Variants in ANXA8 observed in about 807,000 individuals in gnomAD.
The protein encoded by ANXA8 is VAC-beta.
In ANXA8, 9 loss-of-function variants were observed where a neutral mutation model predicts 26.8. The observed-to-expected ratio is 0.34, with a 90% CI of 0.20 to 0.59. The LOEUF (loss-of-function observed/expected upper bound fraction) is 0.59. Ranked by LOEUF, ANXA8 falls within the 20% of genes least tolerant of loss-of-function variation. ANXA8 has a pLI of 0.84. For synonymous variants in ANXA8, 39 were observed against 94.8 expected (o/e 0.41, Z 3.42); for missense variants, 83 against 238.5 (o/e 0.35, Z 4.29).
At chr10:47,702,526 A>T in the ANXA8 span, among the ~76,000 whole-genome samples, 1 of 151,044 alleles carries the variant, frequency 6.6e-6, no homozygotes, top group Non-Finnish European at 1.5e-5. Context: ...TTTTTAGTAG[A>T]GATGGGGTTT....
At chr10:47,971,071 T>C in the ANXA8 span, among the ~76,000 whole-genome samples, 1 of 151,406 alleles carries the variant, frequency 6.6e-6, no homozygotes, top group Non-Finnish European at 1.5e-5. Flanking sequence ...TCTCTGATTC[T>C]CAAATGCTCG....
the ANXA8 span, among the ~76,000 whole-genome samples, chr10:47,763,845 CTCGT>C: frequency 6.6e-6 from 1 of 150,968 alleles, no homozygotes; most frequent in Non-Finnish European, 1.5e-5. Context: ...GATGGACCTT[CTCGT>C]TTTACAGCCT....
chr10:47,739,825 G>A, the ANXA8 span, among the ~76,000 whole-genome samples: 1 of 149,476 alleles, frequency 6.7e-6, no homozygotes, highest in Admixed American at 6.8e-5. Context: ...CGGTGTGGTG[G>A]CTCACTCCCG....
chr10:47,607,997 G>T, the ANXA8 span, among the ~76,000 whole-genome samples: 1 of 146,510 alleles, frequency 6.8e-6, no homozygotes, highest in Non-Finnish European at 1.5e-5. Context: ...TATTAAATTA[G>T]GAAAGGTCAA....
the ANXA8 span, among the ~76,000 whole-genome samples, chr10:47,777,979 G>A: frequency 2.0e-4 from 31 of 151,540 alleles, no homozygotes; most frequent in African/African-American, 6.8e-4. Flanking sequence ...GGTAGGGGTC[G>A]GTTGATTTAA....
chr10:47,620,608 G>A, the ANXA8 span, among the ~76,000 whole-genome samples: 1 of 103,226 alleles, frequency 9.7e-6, no homozygotes, highest in Non-Finnish European at 2.1e-5. Flanking sequence ...TGAAGTTCTG[G>A]ACGCTTAAAA....
At chr10:47,672,450 T>C in the ANXA8 span, among the ~76,000 whole-genome samples, 1 of 151,752 alleles carries the variant, frequency 6.6e-6, no homozygotes, top group South Asian at 2.1e-4. Flanking sequence ...TTTTATAATA[T>C]GCAACAATAA....
chr10:47,685,511 A>G, the ANXA8 span, among the ~76,000 whole-genome samples: 1 of 151,900 alleles, frequency 6.6e-6, no homozygotes, highest in Admixed American at 6.6e-5. Flanking sequence ...CTAGAAGGCA[A>G]GTAGGGCTTT....
At chr10:47,502,363 T>C in the ANXA8 span, 1 of 1,608,656 alleles carries the variant, frequency 6.2e-7, no homozygotes, top group South Asian at 1.1e-5. Flanking sequence ...CAGCAGCTGC[T>C]GGCCCAGGGA....
chr10:47,733,217 C>CTTTCTTTCTTTCTT, the ANXA8 span, among the ~76,000 whole-genome samples: 1 of 71,360 alleles, frequency 1.4e-5, no homozygotes, highest in Non-Finnish European at 3.1e-5. Context: ...TTCTTTCTTT[C>CTTTCTTTCTTTCTT]TTTCTCTTTC....
chr10:47,549,511 A>C, the ANXA8 span: 3 of 661,762 alleles, frequency 4.5e-6, 1 homozygote, highest in Non-Finnish European at 2.6e-6. Flanking sequence ...AGTGTACCAG[A>C]AGTTCATTTT....
chr10:47,557,982 A>G, the ANXA8 span, among the ~76,000 whole-genome samples: 1 of 151,946 alleles, frequency 6.6e-6, no homozygotes, highest in Non-Finnish European at 1.5e-5. Context: ...GAAACTTAGC[A>G]TGCACTGCTC....
chr10:47,469,002 G>T (rs1839209768), intron 11 of ANXA8, 96 bp from the exon 12 acceptor site: 1 of 1,531,630 alleles, frequency 6.5e-7, no homozygotes, highest in Non-Finnish European at 8.8e-7. Context: ...TGTGCCCCTG[G>T]CCTGCACCTG....
the ANXA8 span, among the ~76,000 whole-genome samples, chr10:47,939,616 C>T: frequency 6.9e-6 from 1 of 145,556 alleles, no homozygotes; most frequent in Non-Finnish European, 1.5e-5. Context: ...ATGTTCCACA[C>T]ATACCTCAAG....
chr10:47,599,261 G>A, the ANXA8 span, among the ~76,000 whole-genome samples: 2 of 139,456 alleles, frequency 1.4e-5, no homozygotes. Flanking sequence ...AGGAACACAC[G>A]TGCCATAGAC....
At chr10:47,594,868 C>G in the ANXA8 span, among the ~76,000 whole-genome samples, 1 of 148,952 alleles carries the variant, frequency 6.7e-6, no homozygotes, top group African/African-American at 2.6e-5. Flanking sequence ...AAAATATTCT[C>G]AATTTTGCTA....
chr10:47,955,646 C>A, the ANXA8 span, among the ~76,000 whole-genome samples: 1 of 147,180 alleles, frequency 6.8e-6, no homozygotes, highest in Non-Finnish European at 1.5e-5. Context: ...TGTGGGGCAT[C>A]TACCATGAAT....
chr10:47,677,176 T>C, the ANXA8 span, among the ~76,000 whole-genome samples: 4 of 151,428 alleles, frequency 2.6e-5, no homozygotes, highest in Non-Finnish European at 4.4e-5. Context: ...TTACAGCATA[T>C]ATGTGATTAT....
the ANXA8 span, among the ~76,000 whole-genome samples, chr10:47,958,839 A>T: frequency 1.3e-5 from 2 of 149,430 alleles, no homozygotes; most frequent in Non-Finnish European, 1.5e-5. Context: ...ATCTCACGAG[A>T]CTCACTCACT....
Sources: allele counts gnomAD v4.1 joint callset (sites outside exome capture counted in the v4.1 genomes callset), GRCh38; gene constraint gnomAD v4.1.1; transcripts MANE v1.5; gene names NCBI Gene and HGNC (gene_info 2026-07-23, HGNC 2026-07-21).